Variants in SAFB observed in about 807,000 individuals in gnomAD.
SAFB encodes the protein scaffold attachment factor B1.
In SAFB, 15 loss-of-function variants were observed where a neutral mutation model predicts 101.6. The observed-to-expected ratio is 0.15, with a 90% CI of 0.10 to 0.23. The LOEUF is 0.23. Among genes scored for constraint, SAFB ranks in the 10% least tolerant of loss-of-function variants. The pLI is 1.00. For synonymous variants in SAFB, 449 were observed against 407.5 expected (o/e 1.10, Z -1.23); for missense variants, 930 against 1,104.1 (o/e 0.84, Z 2.23).
intron 5 of SAFB, among the ~76,000 whole-genome samples, chr19:5,647,523 A>AG (rs773534865): frequency 3.3e-5 from 5 of 152,122 alleles, no homozygotes; most frequent in South Asian, 2.1e-4. Context: ...GAGATGAAGG[A>AG]GGGAGGGTAT....
intron 2 of SAFB, among the ~76,000 whole-genome samples, chr19:5,636,000 A>G (rs545205386): frequency 1.3e-5 from 2 of 152,188 alleles, no homozygotes; most frequent in South Asian, 4.2e-4. Flanking sequence ...ATTAATAAAC[A>G]TTCCAGTCAG....
chr19:5,636,524 T>C (rs1281537764), intron 2 of SAFB, among the ~76,000 whole-genome samples: 3 of 152,080 alleles, frequency 2.0e-5, no homozygotes, highest in African/African-American at 7.2e-5. Flanking sequence ...ATCAGTTTGA[T>C]AGTCCCCTAT....
In SAFB at chr19:5,649,347, C is replaced by T. The variant is rs2053886915; in HGVS notation, c.996C>T (p.Ser332=). 1.3e-5 allele frequency: 5 copies of T among 393,812 alleles called. No homozygotes were observed. Among genetic ancestry groups the T allele is most frequent in the South Asian group, 7.3e-5 (3 of 41,210 alleles). The allele number at this position is 393,812 out of a possible 1,614,324, so 24.4% of individuals were successfully genotyped here. ...SAASELAEAS[S]EELAEAPTEA... is the part of the protein sequence containing the mutation. ...CCTCCGAGCTCGCGGAGGCCTCTAG[C>T]GAGGAGCTCGCAGAAGCACCCACGG... The change falls in exon 7 of 21, where the codon AGC becomes AGT. Residue 332 remains serine, a synonymous_variant. Coordinates refer to ENST00000588852, the MANE Select transcript of SAFB (RefSeq NM_001201338.2).
In SAFB at chr19:5,667,434, T is replaced by G; in HGVS notation, c.2541T>G (p.Asp847Glu). ...GTADGGMMDR[D>E]HKRWQGGERS... ...CCGACGGGGGCATGATGGACAGGGATCACAAGAGGTGGCAAGGTGAGGAGC... is the reference window on the plus strand; with the variant it reads ...CCGACGGGGGCATGATGGACAGGGAGCACAAGAGGTGGCAAGGTGAGGAGC... Residue 847 changes from aspartate (D) to glutamate (E), a missense_variant, in exon 19 of 21, where the codon GAT becomes GAG. Physicochemically the swap from Asp to Glu is conservative, Grantham distance 45. Coordinates refer to ENST00000588852, the MANE Select transcript of SAFB (RefSeq NM_001201338.2). This position sits in a 1 kb window ranked among gnomAD's most constrained non-coding sequence, Gnocchi z 4.0. 1 of 1,518,986 alleles carries G rather than the reference T, an allele frequency of 6.6e-7. No individual in the cohort carries two copies. The highest frequency in any genetic ancestry group is 8.8e-7 in the Non-Finnish European group (1 of 1,138,574). 94.1% of individuals were successfully genotyped at this position (1,518,986 alleles called of 1,614,324 possible). A position where few individuals can be genotyped will look rare whatever the true frequency, so the allele number is the denominator to read the frequency against.
intron 14 of SAFB, 127 bp from the exon 15 acceptor site, chr19:5,661,391 G>C (rs1599381700): frequency 6.7e-7 from 1 of 1,503,234 alleles, no homozygotes; most frequent in African/African-American, 1.4e-5. Flanking sequence ...TGGAGTGTAC[G>C]GTTCTGCAGA....
chr19:5,630,330 G>C (rs2053461694), intron 2 of SAFB, among the ~76,000 whole-genome samples: 1 of 152,034 alleles, frequency 6.6e-6, no homozygotes, highest in Non-Finnish European at 1.5e-5. Flanking sequence ...TTGTCTTATT[G>C]AGTTATAAAG....
At chr19:5,626,161 A>G (rs1304318176) in intron 1 of SAFB, among the ~76,000 whole-genome samples, 6 of 152,198 alleles carry the variant, frequency 3.9e-5, no homozygotes, top group African/African-American at 1.2e-4. Flanking sequence ...TTCCAGAGGA[A>G]GAAGCAAAAA....
At chr19:5,652,801 T>C (rs1392392887) in intron 9 of SAFB, among the ~76,000 whole-genome samples, 1 of 152,086 alleles carries the variant, frequency 6.6e-6, no homozygotes, top group African/African-American at 2.4e-5. Flanking sequence ...GTAGCATGAC[T>C]GTATATTTGG....
intron 2 of SAFB, among the ~76,000 whole-genome samples, chr19:5,632,375 T>C (rs956623352): frequency 6.6e-6 from 1 of 152,226 alleles, no homozygotes; most frequent in Non-Finnish European, 1.5e-5. Context: ...CTAGACCGCA[T>C]GGTAAGTTGC....
In SAFB at chr19:5,657,302, A is replaced by G; in HGVS notation, c.1817A>G (p.Asp606Gly). 1 of 1,614,026 alleles carries G rather than the reference A, an allele frequency of 6.2e-7. No individual in the cohort carries two copies. The highest frequency in any genetic ancestry group is 1.1e-5 in the South Asian group (1 of 91,082). Residue 606 changes from aspartate (D) to glycine (G), a missense_variant, in exon 14 of 21, where the codon GAT becomes GGT. Transcript: ENST00000588852. Reference sequence around the variant, plus strand: ...GAGAAGCGGTCCGTCGTGTCCTTTGATAAGGTCAAGGAGCCTCGGAAGTCA... The same window carrying G: ...GAGAAGCGGTCCGTCGTGTCCTTTGGTAAGGTCAAGGAGCCTCGGAAGTCA... ...SREKRSVVSF[D>G]KVKEPRKSRD... is the part of the protein sequence containing the mutation.
intron 15 of SAFB, among the ~76,000 whole-genome samples, chr19:5,662,604 G>A (rs2054238668): frequency 1.3e-5 from 2 of 151,340 alleles, no homozygotes; most frequent in African/African-American, 4.9e-5. Flanking sequence ...CGTAGAGAGC[G>A]CCACACGTGC....
intron 5 of SAFB, among the ~76,000 whole-genome samples, chr19:5,646,956 A>C (rs953185876): frequency 7.9e-5 from 12 of 152,206 alleles, no homozygotes; most frequent in Admixed American, 2.0e-4. Flanking sequence ...GTCTGGTCAC[A>C]GTCTGTTACT....
intron 9 of SAFB, among the ~76,000 whole-genome samples, chr19:5,651,790 G>C (rs1013761538): frequency 1.3e-5 from 2 of 152,184 alleles, no homozygotes; most frequent in African/African-American, 4.8e-5. Context: ...GTCGGTTTCG[G>C]GGACTACCAA....
At chr19:5,660,516 C>A (rs1377191902) in intron 14 of SAFB, among the ~76,000 whole-genome samples, 1 of 151,312 alleles carries the variant, frequency 6.6e-6, no homozygotes, top group East Asian at 1.9e-4. Context: ...ATTATTTTTT[C>A]TGGAGACGGG....
At chr19:5,643,349 A>G (rs1010328948) in intron 4 of SAFB, among the ~76,000 whole-genome samples, 1 of 152,128 alleles carries the variant, frequency 6.6e-6, no homozygotes, top group Non-Finnish European at 1.5e-5. Flanking sequence ...ATGCCAGTCA[A>G]TCCGCTTCTG....
In SAFB at chr19:5,651,151, A is replaced by G. The variant is rs771187354; in HGVS notation, c.1293+79A>G. 4.6e-6 allele frequency: 4 copies of G among 873,324 alleles called. No homozygotes were observed. In the African/African-American group the frequency reaches 6.8e-5, roughly 15 times the overall value. The allele number at this position is 873,324 out of a possible 1,614,324, so 54.1% of individuals were successfully genotyped here. ...CTTTACATGGAGGTCCTCTCCCCTCAGTGAGTTCTTTGAGAGATACCAAGG... is the reference window on the plus strand; with the variant it reads ...CTTTACATGGAGGTCCTCTCCCCTCGGTGAGTTCTTTGAGAGATACCAAGG... On this transcript the variant is annotated intron_variant, in intron 9 of 20. Coordinates refer to ENST00000588852, the MANE Select transcript of SAFB (RefSeq NM_001201338.2).
intron 4 of SAFB, among the ~76,000 whole-genome samples, chr19:5,642,513 C>T (rs965099204): frequency 2.0e-5 from 3 of 151,892 alleles, no homozygotes; most frequent in Non-Finnish European, 4.4e-5. Flanking sequence ...TAAGAGTTAA[C>T]CTCAAGTATT....
At position 5,653,424 on chromosome 19, in the gene SAFB, C is replaced by T. The variant is rs777320604; in HGVS notation, c.1526+4C>T. On this transcript the variant is annotated splice_donor_region_variant and intron_variant, in intron 11 of 20. Coordinates refer to ENST00000588852, the MANE Select transcript of SAFB (RefSeq NM_001201338.2). ...AGAAGTCGAGCAACAGTGACAGGTACCCCTCCTTCCTGGCTAAATTAAAGG... is the reference window on the plus strand; with the variant it reads ...AGAAGTCGAGCAACAGTGACAGGTATCCCTCCTTCCTGGCTAAATTAAAGG... 7 of 1,612,888 alleles carry T rather than the reference C, an allele frequency of 4.3e-6. No homozygotes were observed. The Admixed American group carries it at 1.2e-4, about 27-fold the overall frequency.
chr19:5,664,271 A>T, intron 16 of SAFB, 112 bp downstream of exon 16: 6 of 1,434,658 alleles, frequency 4.2e-6, no homozygotes, highest in Non-Finnish European at 5.9e-6. Context: ...ATGTATGCTG[A>T]GTCAGACCCG....
Sources: allele counts gnomAD v4.1 joint callset (sites outside exome capture counted in the v4.1 genomes callset), GRCh38; gene constraint gnomAD v4.1.1; non-coding constraint Gnocchi (gnomAD v3.1); transcripts MANE v1.5; gene names NCBI Gene and HGNC (gene_info 2026-07-23, HGNC 2026-07-21).